CIT: variants seen among roughly 807,000 people sequenced by gnomAD.
The protein encoded by CIT is citron rho-interacting serine/threonine kinase.
Under a neutral mutation model 272.7 loss-of-function variants are expected in CIT, and 79 were observed. The ratio of observed to expected loss-of-function variants is 0.29; its 90% CI spans 0.24 to 0.35. The LOEUF (loss-of-function observed/expected upper bound fraction) is 0.35, where lower values mean the gene tolerates loss of function less well. Ranked by LOEUF, CIT falls within the 10% of genes least tolerant of loss-of-function variation. The pLI is 1.00. For synonymous variants in CIT, 948 were observed against 995.6 expected, an observed-to-expected ratio of 0.95 and a Z score of 0.90; for missense variants, 1,909 against 2,618.3, an observed-to-expected ratio of 0.73 and a Z score of 5.91.
chr12:119,753,504 A>G (rs1960522800), intron 22 of CIT, among the ~76,000 whole-genome samples: 1 of 152,132 alleles, frequency 6.6e-6, no homozygotes, highest in Non-Finnish European at 1.5e-5. Context: ...TGGGAGGCCG[A>G]GGTGGGCAGA....
At chr12:119,757,183 T>G (rs1480599219) in intron 22 of CIT, among the ~76,000 whole-genome samples, 188 bp downstream of exon 22, 1 of 152,058 alleles carries the variant, frequency 6.6e-6, no homozygotes, top group Admixed American at 6.5e-5. Context: ...TTGGTGTTTT[T>G]CCTTGATTCA....
At chr12:119,794,535 T>C (rs1298996323) in intron 10 of CIT, among the ~76,000 whole-genome samples, 1 of 152,202 alleles carries the variant, frequency 6.6e-6, no homozygotes, top group African/African-American at 2.4e-5. Context: ...GGTGGGAGCA[T>C]GTGACATCTA....
chr12:119,705,771 CAAAAAAAAAAAAAAAA>C (rs148188101), intron 40 of CIT, among the ~76,000 whole-genome samples: 4 of 46,620 alleles, frequency 8.6e-5, no homozygotes, highest in East Asian at 8.6e-4. Flanking sequence ...GACTCTGTCT[CAAAAAAAAAAAAAAAA>C]AAAAAAAAAA....
Position 119,809,253 on chromosome 12 carries a change from C to T in CIT, c.1112-5864G>A, listed in dbSNP as rs149863415. Among the ~76,000 whole-genome samples the T allele has an allele frequency of 2.6e-5, 4 of 152,076 alleles. No homozygotes were observed. In the East Asian group the frequency reaches 5.8e-4, roughly 22 times the overall value. ...TGCTGGGTTAGTGTCAGTACTGAGA[C>T]GGATACAATCATCTCAATAGTGATG... On this transcript the variant is annotated intron_variant, in intron 9 of 47. Transcript: ENST00000392521.
chr12:119,731,131 CAAAACA>C (rs765574293), intron 26 of CIT, among the ~76,000 whole-genome samples: 2 of 149,250 alleles, frequency 1.3e-5, no homozygotes, highest in African/African-American at 4.9e-5. Flanking sequence ...GGTCTCAAAA[CAAAACA>C]AAAACAAAAA....
intron 23 of CIT, among the ~76,000 whole-genome samples, chr12:119,746,302 C>T (rs1202362554): frequency 6.6e-6 from 1 of 152,192 alleles, no homozygotes; most frequent in Non-Finnish European, 1.5e-5. Flanking sequence ...CTCTACCCTT[C>T]TAAAGCAAAA....
At chr12:119,745,208 TAAA>T (rs1239472445) in intron 23 of CIT, among the ~76,000 whole-genome samples, 1 of 108,410 alleles carries the variant, frequency 9.2e-6, no homozygotes, top group African/African-American at 3.3e-5. Context: ...AAGAAAATCT[TAAA>T]AAAAAAAAAA....
rs563999772 is a variant in CIT, at chr12:119,792,875, T to C, written c.1296-7810A>G. ...TACTCGGGAGGCTGAGGCAGGAGAA[T>C]TGCTTGAACCTGGGAGGCGGAGGTT... On this transcript the variant is annotated intron_variant, in intron 10 of 47. Transcript: ENST00000392521. 1.1e-4 allele frequency among the ~76,000 whole-genome samples: 17 copies of C among 152,008 alleles called. No homozygotes were observed. In the East Asian group the frequency reaches 3.3e-3, roughly 30 times the overall value.
At chr12:119,743,877 A>G (rs989417975) in intron 23 of CIT, among the ~76,000 whole-genome samples, 6 of 152,212 alleles carry the variant, frequency 3.9e-5, no homozygotes, top group Non-Finnish European at 8.8e-5. Flanking sequence ...AAGAAAAAAA[A>G]GTAGCCCAAG....
chr12:119,695,416 G>C (rs11064878), intron 46 of CIT, among the ~76,000 whole-genome samples: 2,491 of 152,298 alleles, frequency 0.016, 73 homozygotes, highest in East Asian at 0.14. Flanking sequence ...ACATTTGGTT[G>C]TACAGTTGTC....
At chr12:119,722,956 G>A (rs1336664754) in intron 28 of CIT, among the ~76,000 whole-genome samples, 1 of 152,158 alleles carries the variant, frequency 6.6e-6, no homozygotes, top group African/African-American at 2.4e-5. Flanking sequence ...CTGGGAGGCT[G>A]AGGTGGGAGG....
At chr12:119,862,159 G>A (rs559455422) in intron 3 of CIT, among the ~76,000 whole-genome samples, 4 of 152,094 alleles carry the variant, frequency 2.6e-5, no homozygotes, top group East Asian at 3.9e-4. Context: ...CACCACACCC[G>A]GCTAATTTTT....
intron 24 of CIT, among the ~76,000 whole-genome samples, chr12:119,739,593 G>A (rs964861344): frequency 6.6e-5 from 10 of 152,110 alleles, no homozygotes; most frequent in Non-Finnish European, 8.8e-5. Flanking sequence ...TAAAGTAGTG[G>A]TATTCAAACT....
At chr12:119,723,473 C>T (rs1565942976) in intron 28 of CIT, among the ~76,000 whole-genome samples, 1 of 151,538 alleles carries the variant, frequency 6.6e-6, no homozygotes, top group Admixed American at 6.6e-5. Flanking sequence ...TACCTGCTTC[C>T]CAGAAAGAAG....
intron 10 of CIT, among the ~76,000 whole-genome samples, chr12:119,785,876 G>A (rs537230024): frequency 6.6e-6 from 1 of 152,160 alleles, no homozygotes; most frequent in South Asian, 2.1e-4. Flanking sequence ...CACCAAGCCT[G>A]GCATCATCTT....
intron 26 of CIT, among the ~76,000 whole-genome samples, chr12:119,733,337 C>G (rs969682231): frequency 6.6e-6 from 1 of 151,850 alleles, no homozygotes; most frequent in African/African-American, 2.4e-5. Flanking sequence ...TGAGACCAGC[C>G]TGGCCAACAC....
chr12:119,761,097 G>T, intron 19 of CIT, 42 bp from the exon 20 acceptor site: 1 of 1,382,722 alleles, frequency 7.2e-7, no homozygotes, highest in Non-Finnish European at 1.0e-6. Context: ...CAGGAGCCAA[G>T]CTGAGGAGGG....
intron 30 of CIT, among the ~76,000 whole-genome samples, chr12:119,719,358 T>A (rs1957714324): frequency 6.9e-6 from 1 of 145,790 alleles, no homozygotes; most frequent in Admixed American, 6.8e-5. Context: ...AAAATGCAAA[T>A]GAAAATATTT....
In CIT at chr12:119,718,886, C is replaced by T. The variant is rs772656719; in HGVS notation, c.3841-25G>A. On this transcript the variant is annotated intron_variant, in intron 30 of 47. Transcript: ENST00000392521. The surrounding 1 kb of genome is among the most constrained non-coding windows in gnomAD (Gnocchi z 4.8). ...CCTAGCAATGGAAACAGAGATATCT[C>T]CTAACTCCTGGAAACTGGCACTTGA... The T allele has an allele frequency of 6.2e-7, 1 of 1,611,046 alleles. No homozygotes were observed. Among genetic ancestry groups the T allele is most frequent in the East Asian group, 2.2e-5 (1 of 44,838 alleles).
Sources: gnomAD v4.1 joint callset for allele counts (sites outside exome capture counted in the v4.1 genomes callset) on GRCh38, gnomAD v4.1.1 for gene constraint, Gnocchi (gnomAD v3.1) non-coding constraint, MANE v1.5 for transcripts, NCBI Gene and HGNC (gene_info 2026-07-23, HGNC 2026-07-21) for gene names.